Variants in NCAM1 observed in about 807,000 individuals in gnomAD.
The protein encoded by NCAM1 is neural cell adhesion molecule 1, also known as antigen recognized by monoclonal antibody 5.1H11.
A neutral mutation model predicts 109.8 loss-of-function variants in NCAM1; 14 were observed. The ratio of observed to expected loss-of-function variants is 0.13; its 90% confidence interval spans 0.08 to 0.20. The LOEUF is 0.20. NCAM1 is among the 10% of genes least tolerant of loss of function. The pLI is 1.00. For missense variants in NCAM1, 774 were observed against 1,109.9 expected, an observed-to-expected ratio of 0.70 and a Z score of 4.30; for synonymous variants, 418 against 442.9, an observed-to-expected ratio of 0.94 and a Z score of 0.70.
chr11:113,071,839 C>T (rs1675990909), intron 1 of NCAM1, among the ~76,000 whole-genome samples: 1 of 152,126 alleles, frequency 6.6e-6, no homozygotes, highest in African/African-American at 2.4e-5. Flanking sequence ...CTCTTGGGAA[C>T]TTAAAAAGAA....
At chr11:113,107,296 G>T (rs1236808508) in intron 1 of NCAM1, among the ~76,000 whole-genome samples, 2 of 152,120 alleles carry the variant, frequency 1.3e-5, no homozygotes, top group African/African-American at 4.8e-5. Context: ...GGTTCTCAAG[G>T]GGTTGAAATA....
At chr11:113,237,873 G>GATATATATAGATATATAA (rs1945209128) in intron 14 of NCAM1, among the ~76,000 whole-genome samples, 2 of 57,636 alleles carry the variant, frequency 3.5e-5, no homozygotes, top group Admixed American at 1.9e-4. Context: ...TAGATATATA[G>GATATATATAGATATATAA]ATATATATAG....
At chr11:113,056,007 A>ATATATATC in intron 1 of NCAM1, among the ~76,000 whole-genome samples, 1 of 124,748 alleles carries the variant, frequency 8.0e-6, no homozygotes, top group South Asian at 2.5e-4. Flanking sequence ...ATATATATAT[A>ATATATATC]TATATATATA....
chr11:113,189,893 AAC>A (rs1943625454), intron 1 of NCAM1, among the ~76,000 whole-genome samples: 1 of 151,836 alleles, frequency 6.6e-6, no homozygotes, highest in African/African-American at 2.4e-5. Flanking sequence ...AAAAAAAAAA[AAC>A]TATGCTGGAT....
intron 1 of NCAM1, among the ~76,000 whole-genome samples, chr11:113,022,950 CAT>C (rs1266564474): frequency 6.6e-6 from 1 of 152,206 alleles, no homozygotes; most frequent in Non-Finnish European, 1.5e-5. Flanking sequence ...TAGGAAGTTA[CAT>C]ATCTCTTTAG....
At chr11:113,019,047 C>G (rs11214462) in intron 1 of NCAM1, among the ~76,000 whole-genome samples, 1 of 152,034 alleles carries the variant, frequency 6.6e-6, no homozygotes, top group Non-Finnish European at 1.5e-5. Context: ...ATCCCTTCCA[C>G]GTGAAATGCC....
intron 1 of NCAM1, among the ~76,000 whole-genome samples, chr11:113,146,469 A>C (rs1268913): frequency 6.6e-6 from 1 of 152,122 alleles, no homozygotes; most frequent in African/African-American, 2.4e-5. Context: ...GTATTGTTTG[A>C]ACCCAGAACA....
At chr11:113,245,832 C>T (rs1361684347) in intron 14 of NCAM1, among the ~76,000 whole-genome samples, 1 of 152,218 alleles carries the variant, frequency 6.6e-6, no homozygotes, top group Admixed American at 6.5e-5. Flanking sequence ...CCTTAAGACT[C>T]TCGGGACTTT....
chr11:113,016,507 G>T (rs1555075287), intron 1 of NCAM1, among the ~76,000 whole-genome samples: 1 of 152,218 alleles, frequency 6.6e-6, no homozygotes, highest in Admixed American at 6.5e-5. Flanking sequence ...GTTCTGTATA[G>T]TGGCTTAAGA....
intron 1 of NCAM1, among the ~76,000 whole-genome samples, chr11:113,201,591 G>C (rs1386706058): frequency 6.6e-6 from 1 of 152,226 alleles, no homozygotes; most frequent in East Asian, 1.9e-4. Context: ...TGAACACAGG[G>C]ATCTGTGAGA....
At chr11:113,225,735 C>T (rs1309731785) in intron 9 of NCAM1, among the ~76,000 whole-genome samples, 3 of 152,186 alleles carry the variant, frequency 2.0e-5, no homozygotes, top group South Asian at 2.1e-4. Flanking sequence ...GCTGATCGCT[C>T]GGCAGAAATT....
At chr11:113,063,648 G>A (rs532874568) in intron 1 of NCAM1, among the ~76,000 whole-genome samples, 1 of 152,126 alleles carries the variant, frequency 6.6e-6, no homozygotes. Flanking sequence ...CAGACATTCT[G>A]CTCAGTTCCT....
intron 1 of NCAM1, among the ~76,000 whole-genome samples, chr11:113,093,781 G>A (rs782015520): frequency 6.6e-6 from 1 of 152,208 alleles, no homozygotes; most frequent in Non-Finnish European, 1.5e-5. Context: ...CAGATGGATT[G>A]GAGCAAATAA....
chr11:113,232,445 T>C, intron 11 of NCAM1, 91 bp downstream of exon 11: 1 of 1,309,350 alleles, frequency 7.6e-7, no homozygotes, highest in South Asian at 1.4e-5. Context: ...CTCTCCTGCT[T>C]CTCTGGCACA....
Position 113,256,016 on chromosome 11 carries a change from T to C in NCAM1, c.1953+15T>C, listed in dbSNP as rs1189725502. 6.3e-6 allele frequency: 10 copies of C among 1,589,922 alleles called. No homozygotes were observed. The East Asian group carries it at 9.2e-5, about 15-fold the overall frequency. ...GGTACCGAGCGGTGAGTGGCCTCCT[T>C]CTCAGACTTCACCAGAACCCTGCAA... On this transcript the variant is annotated intron_variant, in intron 16 of 19. Transcript: ENST00000316851.
chr11:113,005,107 T>C (rs1221714748), intron 1 of NCAM1, among the ~76,000 whole-genome samples: 1 of 152,130 alleles, frequency 6.6e-6, no homozygotes, highest in Admixed American at 6.6e-5. Flanking sequence ...GTGGTTCTAG[T>C]TGATGTTTCT....
At chr11:113,003,159 T>TA (rs1951801299) in intron 1 of NCAM1, among the ~76,000 whole-genome samples, 1 of 152,272 alleles carries the variant, frequency 6.6e-6, no homozygotes, top group Non-Finnish European at 1.5e-5. Context: ...CACTCCCTGT[T>TA]AAAGGAATAA....
chr11:113,161,768 G>A (rs974050548), intron 1 of NCAM1, among the ~76,000 whole-genome samples: 5 of 152,176 alleles, frequency 3.3e-5, no homozygotes, highest in Non-Finnish European at 1.5e-5. Context: ...GCAGAACCTG[G>A]AGTGTGTAGG....
chr11:113,252,798 G>GATT (rs1565531031), intron 15 of NCAM1, among the ~76,000 whole-genome samples: 4 of 44,782 alleles, frequency 8.9e-5, no homozygotes, highest in Admixed American at 2.5e-4. Flanking sequence ...ACTATGCCCA[G>GATT]CTTTTTTTTT....
Sources: allele counts gnomAD v4.1 joint callset (sites outside exome capture counted in the v4.1 genomes callset), GRCh38; gene constraint gnomAD v4.1.1; transcripts MANE v1.5; gene names NCBI Gene and HGNC (gene_info 2026-07-23, HGNC 2026-07-21).